MAP4: variants seen among roughly 807,000 people sequenced by gnomAD.
MAP4 encodes the protein microtubule-associated protein 4.
Under a neutral mutation model 170.2 loss-of-function variants are expected in MAP4, and 76 were observed. That is an observed-to-expected ratio of 0.45 (90% CI 0.37 to 0.54). MAP4 has a LOEUF of 0.54. MAP4 is among the 20% of genes least tolerant of loss of function. MAP4 has a pLI of 0.00. For synonymous variants in MAP4, 909 were observed against 994.5 expected (o/e 0.91, Z 1.62); for missense variants, 2,506 against 2,748.0 (o/e 0.91, Z 1.97).
At chr3:47,912,513 C>T in intron 8 of MAP4, 92 bp from the exon 9 acceptor site, 4 of 1,163,634 alleles carry the variant, frequency 3.4e-6, no homozygotes, top group Non-Finnish European at 4.7e-6. Context: ...ATATAAATGA[C>T]TAATTTAAGG....
At chr3:47,967,327 T>C (rs1168234651) in intron 3 of MAP4, among the ~76,000 whole-genome samples, 1 of 151,332 alleles carries the variant, frequency 6.6e-6, no homozygotes, top group Non-Finnish European at 1.5e-5. Flanking sequence ...AGAGCGAGAC[T>C]CCGTCACAAA....
intron 1 of MAP4, among the ~76,000 whole-genome samples, chr3:48,010,410 A>G (rs1258896641): frequency 2.6e-5 from 4 of 152,148 alleles, no homozygotes; most frequent in African/African-American, 9.7e-5. Context: ...TTCCTTTATC[A>G]TGTGACATAA....
At chr3:47,985,188 G>A (rs1031278443) in intron 2 of MAP4, among the ~76,000 whole-genome samples, 2 of 152,112 alleles carry the variant, frequency 1.3e-5, no homozygotes, top group African/African-American at 2.4e-5. Context: ...GCTGAGGCAG[G>A]AGGATCACCT....
At chr3:48,002,244 AAAG>A (rs1359932712) in intron 1 of MAP4, among the ~76,000 whole-genome samples, 3 of 142,182 alleles carry the variant, frequency 2.1e-5, no homozygotes, top group Non-Finnish European at 3.1e-5. Flanking sequence ...CTAGTCTCAA[AAAG>A]AAAAAAAAAA....
chr3:48,014,563 G>A (rs1332382428), intron 1 of MAP4, among the ~76,000 whole-genome samples: 1 of 152,140 alleles, frequency 6.6e-6, no homozygotes, highest in Non-Finnish European at 1.5e-5. Flanking sequence ...GGAGGCTGAG[G>A]TGGGAGGACT....
intron 9 of MAP4, among the ~76,000 whole-genome samples, chr3:47,907,481 T>C (rs1248019280): frequency 6.6e-6 from 1 of 152,188 alleles, no homozygotes; most frequent in African/African-American, 2.4e-5. Flanking sequence ...GTAGAATTTA[T>C]AGAAGAAACA....
chr3:48,029,998 AAT>A (rs1300030243), intron 1 of MAP4, among the ~76,000 whole-genome samples: 11 of 147,146 alleles, frequency 7.5e-5, no homozygotes, highest in Admixed American at 2.1e-4. Context: ...CAAAAAAAAA[AAT>A]ATATATATAT....
chr3:47,884,801 G>A (rs1240585076), intron 10 of MAP4, among the ~76,000 whole-genome samples: 1 of 152,126 alleles, frequency 6.6e-6, no homozygotes. Flanking sequence ...CTTGCTAAGG[G>A]GAAGGAAGTA....
chr3:47,975,044 C>G, intron 3 of MAP4: 1 of 1,020,728 alleles, frequency 9.8e-7, no homozygotes. Flanking sequence ...TGGTGTTACA[C>G]TATTCTGATT....
intron 4 of MAP4, among the ~76,000 whole-genome samples, chr3:47,923,869 T>C (rs1440228645): frequency 2.0e-5 from 3 of 152,162 alleles, no homozygotes; most frequent in African/African-American, 7.2e-5. Context: ...GATGGGGAGA[T>C]AGAATATGAG....
At chr3:47,958,741 C>T (rs1185826829) in intron 3 of MAP4, among the ~76,000 whole-genome samples, 4 of 145,880 alleles carry the variant, frequency 2.7e-5, no homozygotes, top group South Asian at 2.2e-4. Context: ...TGGAGTGCAG[C>T]GGCAAGATCT....
chr3:47,855,707 C>G lies in MAP4; in HGVS notation c.6584-347G>C, dbSNP rs559947442. On this transcript the variant is annotated intron_variant, in intron 18 of 20. Coordinates refer to ENST00000683076, the MANE Select transcript of MAP4 (RefSeq NM_001385682.1). The surrounding 1 kb of genome is among the most constrained non-coding windows in gnomAD (Gnocchi z 5.1). Reference sequence around the variant, plus strand: ...TGCTTCTCTACTCTGTGTGGGAATGCCCTCCCGCTAACTGGGCCATGCAGT... The same window carrying G: ...TGCTTCTCTACTCTGTGTGGGAATGGCCTCCCGCTAACTGGGCCATGCAGT... Among the ~76,000 whole-genome samples, 1 of 152,224 alleles carries G rather than the reference C, an allele frequency of 6.6e-6. No homozygotes were observed. Among genetic ancestry groups the G allele is most frequent in the East Asian group, 1.9e-4 (1 of 5,152 alleles).
intron 10 of MAP4, among the ~76,000 whole-genome samples, chr3:47,887,287 C>T (rs1347058259): frequency 2.0e-5 from 3 of 152,224 alleles, no homozygotes; most frequent in Admixed American, 6.5e-5. Context: ...GCTTGGTGGG[C>T]CCCGCACTTG....
At chr3:48,009,195 G>A (rs1311751774) in intron 1 of MAP4, among the ~76,000 whole-genome samples, 1 of 152,088 alleles carries the variant, frequency 6.6e-6, no homozygotes, top group South Asian at 2.1e-4. Flanking sequence ...CCGCCTCCCG[G>A]GTTCAAGTGA....
intron 1 of MAP4, among the ~76,000 whole-genome samples, chr3:48,071,214 G>A (rs1490636435): frequency 1.3e-5 from 2 of 152,080 alleles, no homozygotes; most frequent in African/African-American, 2.4e-5. Flanking sequence ...GAATAAGAGG[G>A]AAAGGAAAAT....
At chr3:47,896,767 C>T (rs1241657969) in intron 10 of MAP4, among the ~76,000 whole-genome samples, 1 of 152,154 alleles carries the variant, frequency 6.6e-6, no homozygotes, top group Non-Finnish European at 1.5e-5. Flanking sequence ...ATTGCAATCA[C>T]TAACAGATAA....
intron 3 of MAP4, among the ~76,000 whole-genome samples, chr3:47,951,894 T>G (rs2100064276): frequency 6.7e-6 from 1 of 150,362 alleles, no homozygotes; most frequent in South Asian, 2.1e-4. Flanking sequence ...CCATCCCATC[T>G]AGGAAGTGAG....
chr3:48,004,874 C>T (rs1375533299), intron 1 of MAP4, among the ~76,000 whole-genome samples: 2 of 152,074 alleles, frequency 1.3e-5, no homozygotes, highest in African/African-American at 2.4e-5. Flanking sequence ...TCTTTGTCTA[C>T]GGACATAAAC....
At chr3:47,914,523 C>A (rs187499800) in intron 8 of MAP4, among the ~76,000 whole-genome samples, 206 of 149,628 alleles carry the variant, frequency 1.4e-3, no homozygotes, top group African/African-American at 4.7e-3. Flanking sequence ...GCACGCCAGC[C>A]TGGGCGACAG....
Sources: gnomAD v4.1 joint callset for allele counts (sites outside exome capture counted in the v4.1 genomes callset) on GRCh38, gnomAD v4.1.1 for gene constraint, Gnocchi (gnomAD v3.1) non-coding constraint, MANE v1.5 for transcripts, NCBI Gene and HGNC (gene_info 2026-07-23, HGNC 2026-07-21) for gene names.